The following PRKCB variants were observed in gnomAD, a reference collection of about 807,000 sequenced individuals.
PRKCB encodes protein kinase C beta.
In PRKCB, 13 loss-of-function variants were observed where a neutral mutation model predicts 81.5. The ratio of observed to expected loss-of-function variants is 0.16; its 90% CI spans 0.10 to 0.25. The LOEUF is 0.25. Among genes scored for constraint, PRKCB ranks in the 10% least tolerant of loss-of-function variants. The pLI is 1.00. For missense variants in PRKCB, 509 were observed against 875.7 expected, an observed-to-expected ratio of 0.58 and a Z score of 5.29; for synonymous variants, 335 against 321.4, an observed-to-expected ratio of 1.04 and a Z score of -0.45.
intron 11 of PRKCB, among the ~76,000 whole-genome samples, chr16:24,172,656 G>C (rs1378719003): frequency 6.6e-6 from 1 of 152,018 alleles, no homozygotes; most frequent in Non-Finnish European, 1.5e-5. Flanking sequence ...GGCCAGCCTG[G>C]GCACCATGAC....
At chr16:24,069,539 T>G (rs1014029603) in intron 5 of PRKCB, among the ~76,000 whole-genome samples, 2 of 152,112 alleles carry the variant, frequency 1.3e-5, no homozygotes, top group East Asian at 3.9e-4. Flanking sequence ...GCCCAGGAGT[T>G]TGATTTCAGC....
At chr16:23,973,743 T>C (rs1351258624) in intron 2 of PRKCB, among the ~76,000 whole-genome samples, 1 of 152,172 alleles carries the variant, frequency 6.6e-6, no homozygotes, top group East Asian at 1.9e-4. Flanking sequence ...TGCATTGGCA[T>C]GATCACGGCT....
chr16:23,881,835 C>G (rs975992717), intron 2 of PRKCB, among the ~76,000 whole-genome samples: 1 of 151,818 alleles, frequency 6.6e-6, no homozygotes, highest in Non-Finnish European at 1.5e-5. Context: ...ATTTCTTCCT[C>G]CCCACCGAGC....
intron 16 of PRKCB, among the ~76,000 whole-genome samples, chr16:24,191,794 T>C (rs994247951): frequency 2.0e-5 from 3 of 151,608 alleles, no homozygotes; most frequent in Non-Finnish European, 1.5e-5. Flanking sequence ...TCCGGGAGGG[T>C]TTGGGTGTGG....
At chr16:24,130,028 T>C (rs972332606) in intron 9 of PRKCB, among the ~76,000 whole-genome samples, 5 of 152,228 alleles carry the variant, frequency 3.3e-5, no homozygotes, top group African/African-American at 1.2e-4. Flanking sequence ...CATCAACGCT[T>C]TTTTAATGCA....
chr16:24,124,493 G>A (rs1966839174), intron 9 of PRKCB, among the ~76,000 whole-genome samples: 1 of 152,150 alleles, frequency 6.6e-6, no homozygotes, highest in South Asian at 2.1e-4. Context: ...TTAGTGACAC[G>A]ATCGGATTTG....
intron 2 of PRKCB, among the ~76,000 whole-genome samples, chr16:23,866,995 C>CCCTTCCTTCCCTTCCTTCCTT (rs1962806857): frequency 1.4e-5 from 1 of 71,642 alleles, no homozygotes; most frequent in African/African-American, 5.6e-5. Context: ...TCCCTTCCTT[C>CCCTTCCTTCCCTTCCTTCCTT]CCTTCCTTCC....
intron 5 of PRKCB, among the ~76,000 whole-genome samples, chr16:24,075,859 G>A (rs182913646): frequency 6.6e-6 from 1 of 152,330 alleles, no homozygotes; most frequent in Admixed American, 6.5e-5. Context: ...AGAGTCATCT[G>A]GAAAGTGTGT....
chr16:24,039,594 A>G (rs1965673549), intron 5 of PRKCB, among the ~76,000 whole-genome samples: 1 of 152,214 alleles, frequency 6.6e-6, no homozygotes, highest in South Asian at 2.1e-4. Context: ...GCTGGCTGAT[A>G]TAGTCAGTTA....
At position 24,007,869 on chromosome 16, in the gene PRKCB, G is replaced by T. The variant is rs375538034; in HGVS notation, c.288+19279G>T. Among the ~76,000 whole-genome samples, 48 of 152,252 alleles carry T rather than the reference G, an allele frequency of 3.2e-4. No individual in the cohort carries two copies. The East Asian group carries it at 6.4e-3, about 20-fold the overall frequency. ...GCCAGAAAGGATGTGAAAGGCCCTG[G>T]TTCTGGACTCAAGAGACCTCACGTT... On this transcript the variant is annotated intron_variant, in intron 3 of 16. Transcript: ENST00000643927.
At chr16:24,119,558 C>T (rs186345501) in intron 8 of PRKCB, among the ~76,000 whole-genome samples, 1 of 151,010 alleles carries the variant, frequency 6.6e-6, no homozygotes, top group African/African-American at 2.4e-5. Flanking sequence ...GGTCCTGAGC[C>T]AGGATTCAAA....
chr16:23,955,251 C>G (rs540285772), intron 2 of PRKCB, among the ~76,000 whole-genome samples: 15 of 143,118 alleles, frequency 1.0e-4, no homozygotes, highest in South Asian at 2.3e-4. Flanking sequence ...CACACACACA[C>G]AGCCAGGCAA....
At chr16:24,156,617 A>C (rs905668835) in intron 10 of PRKCB, among the ~76,000 whole-genome samples, 1 of 152,198 alleles carries the variant, frequency 6.6e-6, no homozygotes, top group Non-Finnish European at 1.5e-5. Flanking sequence ...GGAAGAAGAG[A>C]CAATAGAAAG....
At chr16:24,019,498 T>C (rs112254188) in intron 3 of PRKCB, among the ~76,000 whole-genome samples, 47 of 152,346 alleles carry the variant, frequency 3.1e-4, no homozygotes, top group Admixed American at 1.2e-3. Context: ...GTGCAGTGGC[T>C]CACGCCTGTA....
At chr16:23,887,130 G>C (rs997685839) in intron 2 of PRKCB, among the ~76,000 whole-genome samples, 8 of 151,510 alleles carry the variant, frequency 5.3e-5, no homozygotes, top group Middle Eastern at 3.4e-3. Flanking sequence ...CTTGCTTTCT[G>C]TCACTGAAAG....
intron 7 of PRKCB, among the ~76,000 whole-genome samples, chr16:24,110,457 C>T (rs1033450186): frequency 6.6e-6 from 1 of 150,588 alleles, no homozygotes; most frequent in Non-Finnish European, 1.5e-5. Flanking sequence ...GTGATCTGCC[C>T]ACCTTGGTCT....
At chr16:23,860,602 T>C (rs1260560319) in intron 2 of PRKCB, among the ~76,000 whole-genome samples, 1 of 152,088 alleles carries the variant, frequency 6.6e-6, no homozygotes, top group Non-Finnish European at 1.5e-5. Context: ...AATTCTCTTG[T>C]AGGCCGCGTG....
At chr16:24,186,309 A>G (rs951131923) in intron 15 of PRKCB, among the ~76,000 whole-genome samples, 7 of 152,346 alleles carry the variant, frequency 4.6e-5, no homozygotes, top group Admixed American at 6.5e-5. Context: ...ACCAGAATGC[A>G]CATGCTTCTG....
Position 23,882,021 on chromosome 16 carries a change from T to TTCTTTCTTTCTTTCTTTCTTCCTTC in PRKCB, c.205+44615_205+44616insTCTTTCTTTCTTTCTTTCTTCCTTC, listed in dbSNP as rs1555481692. On this transcript the variant is annotated intron_variant, in intron 2 of 16. Coordinates refer to ENST00000643927, the MANE Select transcript of PRKCB (RefSeq NM_002738.7). ...TTCTTTCTTTCTTTCTTTCTTTCTT[T>TTCTTTCTTTCTTTCTTTCTTCCTTC]CTTCCTTCCTTCCTTCCTTCCTTCC... Among the ~76,000 whole-genome samples the TTCTTTCTTTCTTTCTTTCTTCCTTC allele has an allele frequency of 9.3e-4, 52 of 55,632 alleles. 3 individuals carry two copies. The highest frequency in any genetic ancestry group is 3.0e-3 in the African/African-American group (50 of 16,910). 36.5% of individuals were successfully genotyped at this position (55,632 alleles called of 152,430 possible). A position where few individuals can be genotyped will look rare whatever the true frequency, so the allele number is the denominator to read the frequency against.
Sources: gnomAD v4.1 joint callset for allele counts (sites outside exome capture counted in the v4.1 genomes callset) on GRCh38, gnomAD v4.1.1 for gene constraint, MANE v1.5 for transcripts, NCBI Gene and HGNC (gene_info 2026-07-23, HGNC 2026-07-21) for gene names.